Variants in CCP110 observed in about 807,000 individuals in gnomAD.
CCP110 encodes centriolar coiled-coil protein of 110 kDa.
In CCP110, 43 loss-of-function variants were observed where a neutral mutation model predicts 105.5. That is an observed-to-expected ratio of 0.41 (90% CI 0.32 to 0.53). The LOEUF is 0.53. Among genes scored for constraint, CCP110 ranks in the 20% least tolerant of loss-of-function variants. The pLI is 0.32. For missense variants in CCP110, 1,016 were observed against 1,189.1 expected, an observed-to-expected ratio of 0.85 and a Z score of 2.14; for synonymous variants, 353 against 392.1, an observed-to-expected ratio of 0.90 and a Z score of 1.18.
intron 2 of CCP110, among the ~76,000 whole-genome samples, chr16:19,531,235 A>G (rs1345560810): frequency 3.3e-5 from 5 of 152,186 alleles, no homozygotes; most frequent in African/African-American, 9.6e-5. Context: ...TGTAGGGTCT[A>G]TGACTCCGTC....
At chr16:19,546,358 A>G in intron 11 of CCP110, 54 bp from the exon 12 acceptor site, 1 of 1,010,316 alleles carries the variant, frequency 9.9e-7, no homozygotes, top group Non-Finnish European at 1.5e-6. Context: ...ATTTGTAAGC[A>G]TGTTTTCTTC....
chr16:19,541,300 ATAT>A (rs1000688634), intron 5 of CCP110, among the ~76,000 whole-genome samples: 28 of 151,448 alleles, frequency 1.8e-4, no homozygotes, highest in African/African-American at 6.5e-4. Flanking sequence ...ACTTGTTATA[ATAT>A]TATTATAATT....
At position 19,547,788 on chromosome 16, in the gene CCP110, A is replaced by G. The variant is rs535581689; in HGVS notation, c.2841-167A>G. On this transcript the variant is annotated intron_variant, in intron 12 of 14. Transcript: ENST00000381396. ...TCTTAGTGAGCAAAATACAAGTATC[A>G]TATTAATATGCTTTAGTCGATTTGC... is the stretch of plus-strand genomic sequence containing the variant. 1.6e-4 allele frequency: 94 copies of G among 583,394 alleles called. 1 individual carries two copies. Among genetic ancestry groups the G allele is most frequent in the Non-Finnish European group, 2.7e-4 (88 of 324,550 alleles). 36.1% of individuals were successfully genotyped at this position (583,394 alleles called of 1,614,324 possible).
Position 19,548,702 on chromosome 16 carries a change from C to T in CCP110, c.2986+102C>T. ...AGTGGAATAGATTGTCTTTCCTTGC[C>T]ACCATAATTTTGGCATATTCACAGT... is the stretch of plus-strand genomic sequence containing the variant. On this transcript the variant is annotated intron_variant, in intron 14 of 14. Coordinates refer to ENST00000381396, the Ensembl canonical transcript of CCP110. The surrounding 1 kb of genome is among the most constrained non-coding windows in gnomAD (Gnocchi z 4.1). The T allele has an allele frequency of 2.8e-6, 2 of 720,858 alleles. No individual in the cohort carries two copies. The highest frequency in any genetic ancestry group is 3.8e-5 in the South Asian group (2 of 53,008). 44.7% of individuals were successfully genotyped at this position (720,858 alleles called of 1,614,324 possible).
chr16:19,527,845 A>G, intron 1 of CCP110, 22 bp from the exon 2 acceptor site: 2 of 1,590,910 alleles, frequency 1.3e-6, no homozygotes, highest in Non-Finnish European at 1.7e-6. Flanking sequence ...TACATTAAAA[A>G]TAACATTTTT....
At chr16:19,532,531 T>C (rs1597254486) in exon 3 of CCP110, 1 of 1,607,206 alleles carries the variant, frequency 6.2e-7, no homozygotes, top group Non-Finnish European at 8.5e-7. Flanking sequence ...CAGGAGATTC[T>C]TGACAATGTT....
chr16:19,551,568 AT>A, exon 15 of CCP110: 1 of 243,438 alleles, frequency 4.1e-6, no homozygotes, highest in Non-Finnish European at 7.8e-6. Flanking sequence ...GGACATTTGG[AT>A]TTACTTTTAC....
chr16:19,537,233 G>C, exon 4 of CCP110: 1 of 1,614,148 alleles, frequency 6.2e-7, no homozygotes, highest in Non-Finnish European at 8.5e-7. Context: ...CTTTGGAACT[G>C]TGAGTGGACT....
intron 2 of CCP110, among the ~76,000 whole-genome samples, chr16:19,529,591 T>C (rs974007898): frequency 1.3e-5 from 2 of 152,246 alleles, no homozygotes; most frequent in Non-Finnish European, 2.9e-5. Flanking sequence ...ATGACATTTT[T>C]AAAAATTGCC....
chr16:19,531,059 G>T (rs1257192230), intron 2 of CCP110, among the ~76,000 whole-genome samples: 1 of 152,226 alleles, frequency 6.6e-6, no homozygotes, highest in Non-Finnish European at 1.5e-5. Context: ...GTGACTGCCA[G>T]ATGGCTCTTT....
At chr16:19,530,587 A>G (rs1039193243) in intron 2 of CCP110, among the ~76,000 whole-genome samples, 2 of 151,126 alleles carry the variant, frequency 1.3e-5, no homozygotes, top group Admixed American at 1.3e-4. Flanking sequence ...CGAAGGTTGC[A>G]GTGAGCCAAG....
chr16:19,553,395 C>A (rs1401155107), exon 15 of CCP110: 1 of 152,076 alleles, frequency 6.6e-6, no homozygotes, highest in Non-Finnish European at 1.5e-5. Flanking sequence ...ATAAACTTTT[C>A]ATCTTAAAGA....
chr16:19,539,370 AT>A (rs11307724), intron 4 of CCP110, among the ~76,000 whole-genome samples: 52,314 of 143,180 alleles, frequency 0.37, 10,586 homozygotes, highest in East Asian at 0.56. Context: ...TTTTTTTTTA[AT>A]TTTTTTTTTT....
chr16:19,550,919 G>A (rs1054289792), intron 14 of CCP110, among the ~76,000 whole-genome samples: 5 of 152,186 alleles, frequency 3.3e-5, no homozygotes, highest in Non-Finnish European at 7.3e-5. Context: ...AGGTGGTCAT[G>A]CAAAATGGTT....
exon 4 of CCP110, chr16:19,536,784 G>A: frequency 6.2e-7 from 1 of 1,614,126 alleles, no homozygotes; most frequent in East Asian, 2.2e-5. Flanking sequence ...CCAAGTATGA[G>A]TCCTAAAATG....
chr16:19,542,322 A>G (rs1171443952), intron 6 of CCP110, among the ~76,000 whole-genome samples: 2 of 152,224 alleles, frequency 1.3e-5, no homozygotes, highest in African/African-American at 4.8e-5. Flanking sequence ...TTCATGCAGC[A>G]GGTGATATAC....
exon 15 of CCP110, chr16:19,551,234 G>A: frequency 1.2e-6 from 2 of 1,612,780 alleles, no homozygotes; most frequent in South Asian, 2.2e-5. Context: ...GCGGCCAAAT[G>A]TTGCGACAAT....
At chr16:19,542,659 G>T in exon 7 of CCP110, 1 of 1,612,236 alleles carries the variant, frequency 6.2e-7, no homozygotes, top group East Asian at 2.2e-5. Context: ...CTTTGTTTCT[G>T]CAAACGAAGC....
At chr16:19,530,077 G>T (rs990654151) in intron 2 of CCP110, among the ~76,000 whole-genome samples, 2 of 151,664 alleles carry the variant, frequency 1.3e-5, no homozygotes, top group South Asian at 2.1e-4. Context: ...CGCACCAGGA[G>T]TCTCAGCTGC....
Sources: gnomAD v4.1 joint callset for allele counts (sites outside exome capture counted in the v4.1 genomes callset) on GRCh38, gnomAD v4.1.1 for gene constraint, Gnocchi (gnomAD v3.1) non-coding constraint, MANE v1.5 for transcripts, NCBI Gene and HGNC (gene_info 2026-07-23, HGNC 2026-07-21) for gene names.